The following CTNNA1 variants were observed in gnomAD, a reference collection of about 807,000 sequenced individuals.
CTNNA1 encodes the protein catenin alpha 1, also known as catenin alpha-1.
CTNNA1 carries 37 observed loss-of-function variants against 98.4 expected under a neutral mutation model. The observed-to-expected ratio is 0.38, with a 90% CI of 0.29 to 0.49. The LOEUF (loss-of-function observed/expected upper bound fraction) is 0.49, where lower values mean the gene tolerates loss of function less well. Among genes scored for constraint, CTNNA1 ranks in the 20% least tolerant of loss-of-function variants. CTNNA1 has a pLI of 0.95. For missense variants in CTNNA1, 761 were observed against 1,147.2 expected (o/e 0.66, Z 4.86); for synonymous variants, 404 against 413.2 (o/e 0.98, Z 0.27).
At chr5:138,815,223 T>G (rs1311488795) in intron 5 of CTNNA1, among the ~76,000 whole-genome samples, 2 of 152,092 alleles carry the variant, frequency 1.3e-5, no homozygotes, top group South Asian at 2.1e-4. Context: ...TTTCATGTGT[T>G]TTTTTTTGAA....
At chr5:138,848,514 T>C (rs1762925246) in intron 7 of CTNNA1, among the ~76,000 whole-genome samples, 1 of 152,218 alleles carries the variant, frequency 6.6e-6, no homozygotes, top group Non-Finnish European at 1.5e-5. Flanking sequence ...TCTCTCTTCT[T>C]TTACAGTCAT....
chr5:138,821,623 G>C (rs541900028), intron 5 of CTNNA1, among the ~76,000 whole-genome samples: 3 of 152,290 alleles, frequency 2.0e-5, no homozygotes, highest in African/African-American at 7.2e-5. Flanking sequence ...ACTTCCACTT[G>C]AATTTTCAGC....
intron 9 of CTNNA1, among the ~76,000 whole-genome samples, chr5:138,893,824 A>G (rs1474027106): frequency 2.6e-5 from 4 of 152,030 alleles, no homozygotes; most frequent in African/African-American, 9.7e-5. Context: ...GGGTTTCACC[A>G]TGTTGGTCAG....
rs56215057 is a variant in CTNNA1, at chr5:138,915,609, G to T, written c.1390-2133G>T. ...AGTAAAAACACAGAAACGTGTATGAGCGTTCATAGCAACATGATTCATAAT... is the reference window on the plus strand; with the variant it reads ...AGTAAAAACACAGAAACGTGTATGATCGTTCATAGCAACATGATTCATAAT... On this transcript the variant is annotated intron_variant, in intron 10 of 17. Transcript: ENST00000302763. Among the ~76,000 whole-genome samples, 1,351 of 152,312 alleles carry T rather than the reference G, an allele frequency of 8.9e-3. 14 individuals are homozygous for T. The highest frequency in any genetic ancestry group is 0.016 in the Non-Finnish European group (1,066 of 68,022).
intron 1 of CTNNA1, among the ~76,000 whole-genome samples, chr5:138,772,035 T>C (rs183826074): frequency 2.9e-3 from 435 of 152,322 alleles, no homozygotes; most frequent in African/African-American, 0.01. Context: ...TGGCCATTCT[T>C]TTATAAGTGA....
intron 7 of CTNNA1, among the ~76,000 whole-genome samples, chr5:138,857,238 A>G (rs1016388792): frequency 2.0e-5 from 3 of 152,166 alleles, no homozygotes; most frequent in African/African-American, 7.2e-5. Context: ...ATCATATCCT[A>G]GCCGTCTTCA....
chr5:138,901,827 T>C (rs909195611), intron 9 of CTNNA1, among the ~76,000 whole-genome samples: 3 of 152,204 alleles, frequency 2.0e-5, no homozygotes, highest in Non-Finnish European at 4.4e-5. Flanking sequence ...CCTCGCCCTC[T>C]CCTTTCACTG....
At chr5:138,803,979 T>A (rs1757834060) in intron 3 of CTNNA1, among the ~76,000 whole-genome samples, 1 of 152,256 alleles carries the variant, frequency 6.6e-6, no homozygotes, top group Admixed American at 6.5e-5. Flanking sequence ...TGAAGATTGC[T>A]GTTGAATAGG....
chr5:138,801,096 C>T (rs547549306), intron 3 of CTNNA1, among the ~76,000 whole-genome samples: 1 of 152,220 alleles, frequency 6.6e-6, no homozygotes, highest in East Asian at 1.9e-4. Flanking sequence ...AGATGATTAG[C>T]ATCGCATGCA....
intron 3 of CTNNA1, 72 bp downstream of exon 3, chr5:138,783,444 TG>T: frequency 7.4e-7 from 1 of 1,350,714 alleles, no homozygotes. Context: ...AGATTTTTTT[TG>T]TGGTCAGTAT....
chr5:138,859,687 C>T (rs1034652712), intron 7 of CTNNA1, among the ~76,000 whole-genome samples: 15 of 152,156 alleles, frequency 9.9e-5, no homozygotes, highest in Admixed American at 1.3e-4. Context: ...ACTTTAGGGT[C>T]GCTTGAGCCC....
At chr5:138,814,010 A>G (rs567361259) in intron 5 of CTNNA1, among the ~76,000 whole-genome samples, 2 of 152,332 alleles carry the variant, frequency 1.3e-5, no homozygotes, top group South Asian at 2.1e-4. Context: ...AATCTATGCC[A>G]TAGGGTTGAG....
chr5:138,932,026 C>G lies in CTNNA1; in HGVS notation c.2299-552C>G, dbSNP rs1044312550. Reference sequence around the variant, plus strand: ...GGCCACCCTTTTCTCTTTGACCATCCCCAACTGCTTTTTTTCTTGCTTTAC... The same window carrying G: ...GGCCACCCTTTTCTCTTTGACCATCGCCAACTGCTTTTTTTCTTGCTTTAC... On this transcript the variant is annotated intron_variant, in intron 16 of 17. Transcript: ENST00000302763. 3.0e-6 allele frequency: 3 copies of G among 985,532 alleles called. No homozygotes were observed. The African/African-American group carries it at 5.2e-5, about 17-fold the overall frequency. 61.0% of individuals were successfully genotyped at this position (985,532 alleles called of 1,614,324 possible).
chr5:138,921,554 G>A (rs1014768258), intron 11 of CTNNA1, among the ~76,000 whole-genome samples: 7 of 148,086 alleles, frequency 4.7e-5, no homozygotes, highest in Non-Finnish European at 1.0e-4. Flanking sequence ...ACTATAGACA[G>A]TTTCTCTCTT....
At chr5:138,929,214 T>G (rs560152144) in intron 13 of CTNNA1, 32 bp from the exon 14 acceptor site, 1 of 1,197,596 alleles carries the variant, frequency 8.4e-7, no homozygotes, top group East Asian at 2.3e-5. Context: ...CCCAGAGATG[T>G]GTCTGACCTG....
intron 1 of CTNNA1, among the ~76,000 whole-genome samples, chr5:138,781,125 A>G (rs993852716): frequency 7.9e-5 from 12 of 152,204 alleles, no homozygotes; most frequent in African/African-American, 2.7e-4. Flanking sequence ...TTAATAGAAT[A>G]AGACAAGTCC....
intron 11 of CTNNA1, 89 bp downstream of exon 11, chr5:138,917,987 T>G (rs982204529): frequency 5.4e-6 from 7 of 1,291,274 alleles, no homozygotes; most frequent in Non-Finnish European, 7.6e-6. Context: ...CTGCTATGTC[T>G]TGGCAGGTAA....
Position 138,912,885 on chromosome 5 carries a change from T to C in CTNNA1, c.1390-4857T>C, listed in dbSNP as rs12186373. Among the ~76,000 whole-genome samples the C allele has an allele frequency of 6.5e-3, 990 of 152,120 alleles. 12 individuals carry two copies. Among genetic ancestry groups the C allele is most frequent in the African/African-American group, 0.023 (967 of 41,506 alleles). On this transcript the variant is annotated intron_variant, in intron 10 of 17. Transcript: ENST00000302763. ...CTGTTTTGGTGTTTTCCTTATTGAT[T>C]TACCTAATACTGTATATTTAATCTG... is the stretch of plus-strand genomic sequence containing the variant.
chr5:138,842,065 A>T (rs1309889673), intron 7 of CTNNA1, among the ~76,000 whole-genome samples: 1 of 152,198 alleles, frequency 6.6e-6, no homozygotes, highest in Non-Finnish European at 1.5e-5. Flanking sequence ...ATTTCCTGGT[A>T]TAAAATGACC....
Sources: gnomAD v4.1 joint callset for allele counts (sites outside exome capture counted in the v4.1 genomes callset) on GRCh38, gnomAD v4.1.1 for gene constraint, MANE v1.5 for transcripts, NCBI Gene and HGNC (gene_info 2026-07-23, HGNC 2026-07-21) for gene names.